GNA15: variants seen among roughly 807,000 people sequenced by gnomAD.
The protein encoded by GNA15 is G protein subunit alpha 15.
GNA15 carries 23 observed loss-of-function variants against 40.1 expected under a neutral mutation model. The observed-to-expected ratio is 0.57, with a 90% CI of 0.41 to 0.81. The LOEUF is 0.81. Ranked by LOEUF, GNA15 falls within the 40% of genes least tolerant of loss-of-function variation. The pLI, the probability that GNA15 is intolerant of heterozygous loss-of-function variation, is 0.00. For missense variants in GNA15, 522 were observed against 515.8 expected, an observed-to-expected ratio of 1.01 and a Z score of -0.12; for synonymous variants, 226 against 210.4, an observed-to-expected ratio of 1.07 and a Z score of -0.64.
intron 6 of GNA15, 67 bp from the exon 7 acceptor site, chr19:3,162,726 G>C: frequency 1.0e-6 from 1 of 1,002,824 alleles, no homozygotes; most frequent in Middle Eastern, 2.1e-4. Flanking sequence ...CAGGGAAGAG[G>C]GTCTCCAGAG....
chr19:3,162,595 A>C (rs911939188), intron 6 of GNA15, among the ~76,000 whole-genome samples, 198 bp from the exon 7 acceptor site: 1 of 152,186 alleles, frequency 6.6e-6, no homozygotes, highest in Non-Finnish European at 1.5e-5. Flanking sequence ...CTCGTGTGAG[A>C]CAATCTCCTG....
intron 1 of GNA15, among the ~76,000 whole-genome samples, chr19:3,141,399 TTTATTTTTA>T (rs1359055188): frequency 2.6e-5 from 4 of 152,176 alleles, no homozygotes; most frequent in Non-Finnish European, 5.9e-5. Flanking sequence ...CATTTTATTT[TTTATTTTTA>T]TTTTTGAGAC....
At chr19:3,137,174 A>G (rs1291337919) in intron 1 of GNA15, among the ~76,000 whole-genome samples, 1 of 152,250 alleles carries the variant, frequency 6.6e-6, no homozygotes, top group East Asian at 1.9e-4. Flanking sequence ...AAACAGGGGA[A>G]GATATTTCTG....
chr19:3,148,947 G>A lies in GNA15; in HGVS notation c.330+172G>A. 3 of 617,308 alleles carry A rather than the reference G, an allele frequency of 4.9e-6. No individual in the cohort carries two copies. In the South Asian group the frequency reaches 6.0e-5, roughly 12 times the overall value. 38.2% of individuals were successfully genotyped at this position (617,308 alleles called of 1,614,324 possible). On this transcript the variant is annotated intron_variant, in intron 2 of 6. Coordinates refer to ENST00000262958, the MANE Select transcript of GNA15 (RefSeq NM_002068.4). ...GCAAGGCCATGTCCTCCAGACATAT[G>A]TGCATACATACAAGTGCACACACAA...
Position 3,136,395 on chromosome 19 carries a change from T to G in GNA15, c.-56T>G. ...GGGCCGGCTGGGCTGGGGGTTGCCC[T>G]GGCCAGCAGGGGCCCGGGGGCGATG... is the stretch of plus-strand genomic sequence containing the variant. On this transcript the variant is annotated 5_prime_UTR_variant, in exon 1 of 7. Coordinates refer to ENST00000262958, the MANE Select transcript of GNA15 (RefSeq NM_002068.4). This position sits in a 1 kb window ranked among gnomAD's most constrained non-coding sequence, Gnocchi z 4.9. 6.6e-7 allele frequency: 1 copy of G among 1,522,758 alleles called. No individual in the cohort carries two copies. The highest frequency in any genetic ancestry group is 1.2e-5 in the South Asian group (1 of 80,718). 94.3% of individuals were successfully genotyped at this position (1,522,758 alleles called of 1,614,324 possible). A position where few individuals can be genotyped will look rare whatever the true frequency, so the allele number is the denominator to read the frequency against.
intron 6 of GNA15, among the ~76,000 whole-genome samples, chr19:3,160,791 C>T (rs115482359): frequency 0.014 from 2,083 of 152,196 alleles, 56 homozygotes; most frequent in African/African-American, 0.047. Context: ...TGGTGGTGGC[C>T]TACAATCCTT....
intron 1 of GNA15, among the ~76,000 whole-genome samples, chr19:3,144,674 G>C (rs535943600): frequency 6.6e-6 from 1 of 150,858 alleles, no homozygotes; most frequent in Non-Finnish European, 1.5e-5. Context: ...AACTACAGGC[G>C]CCCGCCACCA....
Position 3,151,146 on chromosome 19 carries a change from CCT to C in GNA15, c.486-560_486-559del, listed in dbSNP as rs1193125435. ...GGCGGGAACCTGTTCCTAGAGTGCC[CCT>C]GTTTTAGAAGGGACCCTTTTCTGGG... On this transcript the variant is annotated intron_variant, in intron 3 of 6. Coordinates refer to ENST00000262958, the MANE Select transcript of GNA15 (RefSeq NM_002068.4). The surrounding 1 kb of genome is among the most constrained non-coding windows in gnomAD (Gnocchi z 5.0). 6.6e-6 allele frequency among the ~76,000 whole-genome samples: 1 copy of C among 150,482 alleles called. No homozygotes were observed. The highest frequency in any genetic ancestry group is 1.5e-5 in the Non-Finnish European group (1 of 67,674).
At chr19:3,161,025 C>A (rs575570072) in intron 6 of GNA15, among the ~76,000 whole-genome samples, 4 of 150,644 alleles carry the variant, frequency 2.7e-5, no homozygotes, top group South Asian at 4.2e-4. Flanking sequence ...TCACTGCAGC[C>A]TCAACCTCCT....
chr19:3,155,404 T>C lies in GNA15; in HGVS notation c.615-419T>C, dbSNP rs914553039. ...GGAACAGCCCTCATTCCCATCTGTG[T>C]GGCCACTGGACATGCCCATGGCCAG... On this transcript the variant is annotated intron_variant, in intron 4 of 6. Coordinates refer to ENST00000262958, the MANE Select transcript of GNA15 (RefSeq NM_002068.4). This position sits in a 1 kb window ranked among gnomAD's most constrained non-coding sequence, Gnocchi z 5.6. Among the ~76,000 whole-genome samples the C allele has an allele frequency of 1.3e-5, 2 of 152,112 alleles. No homozygotes were observed. The highest frequency in any genetic ancestry group is 2.9e-5 in the Non-Finnish European group (2 of 68,002).
chr19:3,138,940 T>TA (rs1568291942), intron 1 of GNA15, among the ~76,000 whole-genome samples: 3 of 71,486 alleles, frequency 4.2e-5, no homozygotes, highest in African/African-American at 1.7e-4. Flanking sequence ...GCCCAGCCTC[T>TA]TTTTTTTTTT....
At chr19:3,153,552 GATGGGTGGATGA>G (rs1345257904) in intron 4 of GNA15, among the ~76,000 whole-genome samples, 4 of 151,648 alleles carry the variant, frequency 2.6e-5, no homozygotes, top group African/African-American at 7.3e-5. Context: ...TAGATGGATA[GATGGGTGGATGA>G]ATGGGTGGAT....
chr19:3,156,971 C>G (rs1375593542), intron 5 of GNA15, among the ~76,000 whole-genome samples: 2 of 151,718 alleles, frequency 1.3e-5, no homozygotes, highest in African/African-American at 4.9e-5. Context: ...TATGATGTAC[C>G]CCATAACACA....
At position 3,148,727 on chromosome 19, in the gene GNA15, C is replaced by G; in HGVS notation, c.282C>G (p.Ile94Met). The change falls in exon 2 of 7, where the codon ATC becomes ATG. Residue 94 changes from isoleucine to methionine, a missense_variant. Physicochemically the swap from Ile to Met is conservative, Grantham distance 10. Transcript: ENST00000262958. ...QNIFVSMRAM[I>M]EAMERLQIPF... The stretch of plus-strand genomic sequence containing the variant: ...TCTTCGTGTCCATGCGGGCCATGAT[C>G]GAGGCCATGGAGCGGCTGCAGATTC... 1 of 1,603,764 alleles carries G rather than the reference C, an allele frequency of 6.2e-7. No individual in the cohort carries two copies. The highest frequency in any genetic ancestry group is 8.5e-7 in the Non-Finnish European group (1 of 1,175,634).
At position 3,157,866 on chromosome 19, in the gene GNA15, T is replaced by A. The variant is rs763062805; in HGVS notation, c.883T>A (p.Phe295Ile). The change falls in exon 6 of 7, where the codon TTC becomes ATC. Residue 295 changes from phenylalanine to isoleucine, a missense_variant. Transcript: ENST00000262958. ...CCCCACCTCCCACCTGGCTACCTAT[T>A]TCCCCAGTTTCCAGGGTAAGTAATT... ...KIPTSHLATYFPSFQGPKQDA... is the reference protein window; with the variant it reads ...KIPTSHLATYIPSFQGPKQDA... 1.7e-5 allele frequency: 27 copies of A among 1,613,186 alleles called. No individual in the cohort carries two copies. Among genetic ancestry groups the A allele is most frequent in the Non-Finnish European group, 2.2e-5 (26 of 1,179,124 alleles).
rs1914538314 is a variant in GNA15, at chr19:3,139,989, C to T, written c.145+3394C>T. Among the ~76,000 whole-genome samples the T allele has an allele frequency of 4.7e-5, 7 of 147,956 alleles. 1 individual carries two copies. In the South Asian group the frequency reaches 1.5e-3, roughly 32 times the overall value. On this transcript the variant is annotated intron_variant, in intron 1 of 6. Coordinates refer to ENST00000262958, the MANE Select transcript of GNA15 (RefSeq NM_002068.4). ...CAGAGGTTGCAGTGAGCCAAGATCA[C>T]ACCACTGAACTCCAGCCTAGGCAAT...
chr19:3,138,527 G>A (rs1446416930), intron 1 of GNA15, among the ~76,000 whole-genome samples: 2 of 152,256 alleles, frequency 1.3e-5, no homozygotes, highest in Non-Finnish European at 2.9e-5. Context: ...TCAGTGGGAA[G>A]AGGCCGCCCG....
At position 3,157,868 on chromosome 19, in the gene GNA15, C is replaced by G; in HGVS notation, c.885C>G (p.Phe295Leu). The change falls in exon 6 of 7, where the codon TTC becomes TTG. Residue 295 changes from phenylalanine to leucine, a missense_variant. Physicochemically the swap from Phe to Leu is conservative, Grantham distance 22. Transcript: ENST00000262958. Reference protein sequence around the residue: ...KIPTSHLATYFPSFQGPKQDA... With the variant: ...KIPTSHLATYLPSFQGPKQDA... ...CCACCTCCCACCTGGCTACCTATTT[C>G]CCCAGTTTCCAGGGTAAGTAATTCT... 1.9e-6 allele frequency: 3 copies of G among 1,613,010 alleles called. No individual in the cohort carries two copies. The highest frequency in any genetic ancestry group is 2.5e-6 in the Non-Finnish European group (3 of 1,178,914).
At position 3,136,410 on chromosome 19, in the gene GNA15, C is replaced by T. The variant is rs774548264; in HGVS notation, c.-41C>T. The T allele has an allele frequency of 2.3e-5, 35 of 1,540,058 alleles. No individual in the cohort carries two copies. Among genetic ancestry groups the T allele is most frequent in the African/African-American group, 1.8e-4 (13 of 72,688 alleles). On this transcript the variant is annotated 5_prime_UTR_variant, in exon 1 of 7. Transcript: ENST00000262958. This position sits in a 1 kb window ranked among gnomAD's most constrained non-coding sequence, Gnocchi z 4.9. Reference sequence around the variant, plus strand: ...GGGGTTGCCCTGGCCAGCAGGGGCCCGGGGGCGATGCCACCCGGTGCCGAC... The same window carrying T: ...GGGGTTGCCCTGGCCAGCAGGGGCCTGGGGGCGATGCCACCCGGTGCCGAC...
Sources: allele counts gnomAD v4.1 joint callset (sites outside exome capture counted in the v4.1 genomes callset), GRCh38; gene constraint gnomAD v4.1.1; non-coding constraint Gnocchi (gnomAD v3.1); transcripts MANE v1.5; gene names NCBI Gene and HGNC (gene_info 2026-07-23, HGNC 2026-07-21).